SPTBN4: variants seen among roughly 807,000 people sequenced by gnomAD.
The protein encoded by SPTBN4 is spectrin beta, non-erythrocytic 4.
Under a neutral mutation model 277.8 loss-of-function variants are expected in SPTBN4, and 96 were observed. The ratio of observed to expected loss-of-function variants is 0.35; its 90% CI spans 0.29 to 0.41. SPTBN4 has a LOEUF of 0.41. Ranked by LOEUF, SPTBN4 falls within the 10% of genes least tolerant of loss-of-function variation. The pLI is 1.00. For missense variants in SPTBN4, 3,006 were observed against 3,595.7 expected (o/e 0.84, Z 4.19); for synonymous variants, 1,481 against 1,580.3 (o/e 0.94, Z 1.49).
chr19:40,534,462 T>C lies in SPTBN4; in HGVS notation c.4359+119T>C. On this transcript the variant is annotated intron_variant, in intron 20 of 35. Transcript: ENST00000598249. Reference sequence around the variant, plus strand: ...TTTAATACAGGGATTTATTTCAAACTTGTAGAAGATGAGAAAGGGAATATT... The same window carrying C: ...TTTAATACAGGGATTTATTTCAAACCTGTAGAAGATGAGAAAGGGAATATT... 3.8e-6 allele frequency: 5 copies of C among 1,317,564 alleles called. No individual in the cohort carries two copies. In the South Asian group the frequency reaches 6.1e-5, roughly 16 times the overall value. The allele number at this position is 1,317,564 out of a possible 1,614,324, so 81.6% of individuals were successfully genotyped here.
chr19:40,503,049 C>T, intron 11 of SPTBN4, 116 bp downstream of exon 11: 2 of 1,325,964 alleles, frequency 1.5e-6, no homozygotes, highest in Non-Finnish European at 2.0e-6. Context: ...AGATTAGTCT[C>T]CTGGTGATAA....
At position 40,494,162 on chromosome 19, in the gene SPTBN4, G is replaced by A. The variant is rs568368530; in HGVS notation, c.588-735G>A. 9.2e-5 allele frequency among the ~76,000 whole-genome samples: 14 copies of A among 152,284 alleles called. No individual in the cohort carries two copies. The South Asian group carries it at 2.9e-3, about 32-fold the overall frequency. On this transcript the variant is annotated intron_variant, in intron 5 of 35. Coordinates refer to ENST00000598249, the MANE Select transcript of SPTBN4 (RefSeq NM_020971.3). ...TGGGAGGACGGAGGGAGGGGCAGGTGTGGGATGGAGGTGGGCTTCTCTGAC... is the reference window on the plus strand; with the variant it reads ...TGGGAGGACGGAGGGAGGGGCAGGTATGGGATGGAGGTGGGCTTCTCTGAC...
At chr19:40,509,354 T>C (rs1007279024) in intron 13 of SPTBN4, among the ~76,000 whole-genome samples, 2 of 152,192 alleles carry the variant, frequency 1.3e-5, no homozygotes, top group African/African-American at 4.8e-5. Context: ...CAAGCGATTC[T>C]TCTGCCTCAG....
intron 32 of SPTBN4, among the ~76,000 whole-genome samples, chr19:40,569,979 C>CACACAG (rs2081136928): frequency 6.8e-6 from 1 of 146,328 alleles, no homozygotes; most frequent in Admixed American, 6.9e-5. Flanking sequence ...CACACAGACA[C>CACACAG]ACACACACAG....
At chr19:40,558,911 A>AATT (rs371965577) in intron 26 of SPTBN4, among the ~76,000 whole-genome samples, 63,803 of 125,638 alleles carry the variant, frequency 0.51, 16,780 homozygotes, top group Admixed American at 0.6. Context: ...CCCAGCTGGC[A>AATT]ATTATTATTA....
rs111609542 is a variant in SPTBN4 at position 40,546,207 on chromosome 19, AAG to A, written c.4360-2979_4360-2978del. Among the ~76,000 whole-genome samples the A allele has an allele frequency of 1.1e-4, 17 of 150,904 alleles. 1 individual carries two copies. The highest frequency in any genetic ancestry group is 3.4e-3 in the Middle Eastern group (1 of 294). Reference sequence around the variant, plus strand: ...GCCATTGCACTCCAGCCTGGGCAAAAAGAGCGAAACTCCATCTCAAAAAAAAA... The same window carrying A: ...GCCATTGCACTCCAGCCTGGGCAAAAAGCGAAACTCCATCTCAAAAAAAAA... On this transcript the variant is annotated intron_variant, in intron 20 of 35. Transcript: ENST00000598249.
Position 40,502,045 on chromosome 19 carries a change from C to G in SPTBN4, c.897+12C>G. On this transcript the variant is annotated intron_variant, in intron 8 of 35. Transcript: ENST00000598249. This position sits in a 1 kb window ranked among gnomAD's most constrained non-coding sequence, Gnocchi z 4.9. ...AGCGTATCGGGAAGGTATAAGGAGC[C>G]AAGGAGTGGGTGAGTGGGAAGCTGG... 1 of 1,614,044 alleles carries G rather than the reference C, an allele frequency of 6.2e-7. No individual in the cohort carries two copies. The highest frequency in any genetic ancestry group is 1.1e-5 in the South Asian group (1 of 91,086).
chr19:40,491,543 C>T (rs574516490), intron 4 of SPTBN4, among the ~76,000 whole-genome samples: 1 of 151,198 alleles, frequency 6.6e-6, no homozygotes, highest in African/African-American at 2.4e-5. Context: ...GGAGTTCGAG[C>T]CCAGCTTGGC....
intron 32 of SPTBN4, 104 bp downstream of exon 32, chr19:40,569,830 C>G: frequency 9.3e-7 from 1 of 1,072,404 alleles, no homozygotes; most frequent in South Asian, 1.6e-5. Flanking sequence ...GACCCATTCC[C>G]TACCTGGACC....
intron 15 of SPTBN4, among the ~76,000 whole-genome samples, chr19:40,516,009 A>G (rs573884781): frequency 2.0e-5 from 3 of 147,950 alleles, no homozygotes; most frequent in African/African-American, 7.4e-5. Context: ...ATACGTATAT[A>G]TACACACATA....
chr19:40,506,816 A>AAAAT (rs1468365277), intron 13 of SPTBN4, among the ~76,000 whole-genome samples: 6 of 152,054 alleles, frequency 3.9e-5, no homozygotes, highest in Admixed American at 2.0e-4. Flanking sequence ...CATCTGTACC[A>AAAAT]AAATAAATAA....
intron 7 of SPTBN4, among the ~76,000 whole-genome samples, chr19:40,498,474 C>A (rs1031953131): frequency 1.3e-5 from 2 of 151,286 alleles, no homozygotes; most frequent in Non-Finnish European, 2.9e-5. Flanking sequence ...GGCATGATCT[C>A]GGCTCACTGC....
intron 20 of SPTBN4, among the ~76,000 whole-genome samples, chr19:40,540,178 C>T (rs1029479268): frequency 2.6e-5 from 4 of 152,050 alleles, no homozygotes; most frequent in Admixed American, 6.5e-5. Flanking sequence ...CCGCCCGCCT[C>T]GGCCTCCCAA....
At chr19:40,558,758 C>T (rs530525805) in intron 26 of SPTBN4, among the ~76,000 whole-genome samples, 13 of 151,894 alleles carry the variant, frequency 8.6e-5, no homozygotes, top group African/African-American at 1.7e-4. Flanking sequence ...CATGCACGCG[C>T]CACCACACCT....
chr19:40,549,383 C>T lies in SPTBN4; in HGVS notation c.4554C>T (p.His1518=). The T allele has an allele frequency of 6.6e-7, 1 of 1,520,784 alleles. No individual in the cohort carries two copies. The highest frequency in any genetic ancestry group is 8.8e-7 in the Non-Finnish European group (1 of 1,139,858). The allele number at this position is 1,520,784 out of a possible 1,614,324, so 94.2% of individuals were successfully genotyped here. The change falls in exon 21 of 36, where the codon CAC becomes CAT. Residue 1518 remains histidine, a synonymous_variant. Transcript: ENST00000598249. ...RRLLLASKEL[H]QVAHDLDDEL... ...TGCTGCTGGCTTCCAAGGAGTTGCA[C>T]CAGGTGGCGCACGACCTGGACGACG...
At position 40,490,304 on chromosome 19, in the gene SPTBN4, C is replaced by T. The variant is rs1157018067; in HGVS notation, c.495+56C>T. 6.4e-7 allele frequency: 1 copy of T among 1,558,586 alleles called. No individual in the cohort carries two copies. Among genetic ancestry groups the T allele is most frequent in the Non-Finnish European group, 8.7e-7 (1 of 1,147,832 alleles). ...GCAACATGGGACTTAGGAAAGCGTTCCCCACCATTTACCCATTCATTCTTT... is the reference window on the plus strand; with the variant it reads ...GCAACATGGGACTTAGGAAAGCGTTTCCCACCATTTACCCATTCATTCTTT... On this transcript the variant is annotated intron_variant, in intron 4 of 35. Transcript: ENST00000598249. This position sits in a 1 kb window ranked among gnomAD's most constrained non-coding sequence, Gnocchi z 4.3.
At chr19:40,539,326 T>C (rs1410336467) in intron 20 of SPTBN4, among the ~76,000 whole-genome samples, 1 of 152,192 alleles carries the variant, frequency 6.6e-6, no homozygotes, top group Non-Finnish European at 1.5e-5. Context: ...ACCTCAATGC[T>C]CACCCCCTGG....
At chr19:40,569,807 C>T in intron 32 of SPTBN4, 81 bp downstream of exon 32, 2 of 1,360,366 alleles carry the variant, frequency 1.5e-6, no homozygotes, top group Non-Finnish European at 2.0e-6. Flanking sequence ...CAGCCAGTGC[C>T]TAGCCCTGGC....
At chr19:40,485,514 A>G (rs565993828) in intron 2 of SPTBN4, among the ~76,000 whole-genome samples, 21 of 152,276 alleles carry the variant, frequency 1.4e-4, no homozygotes, top group Non-Finnish European at 2.6e-4. Flanking sequence ...TGATAAAAAG[A>G]CATGTAACTG....
Sources: allele counts gnomAD v4.1 joint callset (sites outside exome capture counted in the v4.1 genomes callset), GRCh38; gene constraint gnomAD v4.1.1; non-coding constraint Gnocchi (gnomAD v3.1); transcripts MANE v1.5; gene names NCBI Gene and HGNC (gene_info 2026-07-23, HGNC 2026-07-21).